The following PPP1R9A variants were observed in gnomAD, a reference collection of about 807,000 sequenced individuals.
The protein encoded by PPP1R9A is neurabin-1.
In PPP1R9A, 59 loss-of-function variants were observed where a neutral mutation model predicts 141.9. That is an observed-to-expected ratio of 0.42 (90% CI 0.34 to 0.52). PPP1R9A has a LOEUF of 0.52. Ranked by LOEUF, PPP1R9A falls within the 20% of genes least tolerant of loss-of-function variation. The probability of loss-of-function intolerance (pLI) is 0.10; values close to 1 mark genes in which losing one functional copy is unlikely to be tolerated. For synonymous variants in PPP1R9A, 500 were observed against 569.7 expected, an observed-to-expected ratio of 0.88 and a Z score of 1.74; for missense variants, 1,444 against 1,611.9, an observed-to-expected ratio of 0.90 and a Z score of 1.78.
At chr7:95,208,330 A>G (rs1791276657) in intron 7 of PPP1R9A, among the ~76,000 whole-genome samples, 2 of 152,180 alleles carry the variant, frequency 1.3e-5, no homozygotes, top group African/African-American at 4.8e-5. Context: ...TCCATACCCA[A>G]AATTCCATCT....
intron 2 of PPP1R9A, among the ~76,000 whole-genome samples, chr7:94,946,284 T>C (rs1442743746): frequency 6.6e-6 from 1 of 152,032 alleles, no homozygotes; most frequent in African/African-American, 2.4e-5. Context: ...CTAGATGCCA[T>C]GCCTGGAGAG....
chr7:95,225,947 C>A lies in PPP1R9A; in HGVS notation c.1957-14C>A, dbSNP rs1280470693. 6.3e-7 allele frequency: 1 copy of A among 1,589,190 alleles called. No individual in the cohort carries two copies. The highest frequency in any genetic ancestry group is 1.7e-5 in the Admixed American group (1 of 59,280). On this transcript the variant is annotated splice_polypyrimidine_tract_variant and intron_variant, in intron 7 of 19. Transcript: ENST00000433360. ...GTAAGGACAGCTGGATTTCTGAAATCCCCTTCCTTTCAGACAGGAGAATAT... is the reference window on the plus strand; with the variant it reads ...GTAAGGACAGCTGGATTTCTGAAATACCCTTCCTTTCAGACAGGAGAATAT...
chr7:95,115,083 A>T (rs1049116040), intron 3 of PPP1R9A, among the ~76,000 whole-genome samples: 2 of 152,164 alleles, frequency 1.3e-5, no homozygotes, highest in African/African-American at 2.4e-5. Context: ...AAACACTATT[A>T]ATAACATAGA....
intron 2 of PPP1R9A, among the ~76,000 whole-genome samples, chr7:94,938,368 TC>T (rs1236800686): frequency 6.6e-6 from 1 of 152,072 alleles, no homozygotes; most frequent in African/African-American, 2.4e-5. Flanking sequence ...GAGTAGAAGG[TC>T]ATAACTGATA....
At chr7:95,175,949 C>T (rs1001005225) in intron 5 of PPP1R9A, among the ~76,000 whole-genome samples, 6 of 151,832 alleles carry the variant, frequency 4.0e-5, no homozygotes, top group Non-Finnish European at 4.4e-5. Flanking sequence ...GGATCATGGC[C>T]GACAGGAGGC....
chr7:95,026,574 G>A lies in PPP1R9A; in HGVS notation c.1396-84685G>A, dbSNP rs1440306620. Among the ~76,000 whole-genome samples the A allele has an allele frequency of 2.0e-5, 3 of 152,176 alleles. No individual in the cohort carries two copies. The East Asian group carries it at 5.8e-4, about 29-fold the overall frequency. On this transcript the variant is annotated intron_variant, in intron 2 of 19. Transcript: ENST00000433360. ...CAGGTGTCAGCGACCTACTTGAGGA[G>A]GTGGTCTAGTCTGACCCTTAGTGGA...
chr7:95,083,660 G>A (rs1816228621), intron 2 of PPP1R9A, among the ~76,000 whole-genome samples: 1 of 151,884 alleles, frequency 6.6e-6, no homozygotes, highest in African/African-American at 2.4e-5. Context: ...GATTTCGGAG[G>A]CTCCGTACCA....
At chr7:95,075,178 G>A (rs894533504) in intron 2 of PPP1R9A, among the ~76,000 whole-genome samples, 4 of 151,964 alleles carry the variant, frequency 2.6e-5, no homozygotes, top group African/African-American at 9.7e-5. Context: ...CAATTTTTAT[G>A]TTTTCAGATT....
At chr7:94,981,589 A>C (rs34730810) in intron 2 of PPP1R9A, among the ~76,000 whole-genome samples, 11,686 of 151,968 alleles carry the variant, frequency 0.077, 554 homozygotes, top group East Asian at 0.17. Flanking sequence ...TTGTGGGCAT[A>C]TTTTCACCTT....
intron 2 of PPP1R9A, among the ~76,000 whole-genome samples, chr7:95,076,300 A>G (rs1333866223): frequency 1.3e-5 from 2 of 152,182 alleles, no homozygotes; most frequent in East Asian, 1.9e-4. Context: ...GCAATGGCCT[A>G]CTCTGATTCC....
rs111672868 is a variant in PPP1R9A, at chr7:95,044,347, A to T, written c.1396-66912A>T. 2.3e-4 allele frequency among the ~76,000 whole-genome samples: 35 copies of T among 152,224 alleles called. 2 individuals are homozygous for T. The highest frequency in any genetic ancestry group is 6.5e-4 in the Admixed American group (10 of 15,290). On this transcript the variant is annotated intron_variant, in intron 2 of 19. Coordinates refer to ENST00000433360, the MANE Select transcript of PPP1R9A (RefSeq NM_001166160.2). The stretch of plus-strand genomic sequence containing the variant: ...TTTCCTCCTGTGTTTCCTCTGCTTT[A>T]TGTAAGTAATTGAAGTTTAAAAGAA...
At chr7:95,206,989 G>C (rs1243802372) in intron 7 of PPP1R9A, among the ~76,000 whole-genome samples, 1 of 151,806 alleles carries the variant, frequency 6.6e-6, no homozygotes, top group Non-Finnish European at 1.5e-5. Flanking sequence ...TGGGTGCTGA[G>C]TGGAAAAGCC....
At chr7:95,062,913 T>C (rs774244958) in intron 2 of PPP1R9A, among the ~76,000 whole-genome samples, 1 of 152,110 alleles carries the variant, frequency 6.6e-6, no homozygotes, top group Non-Finnish European at 1.5e-5. Flanking sequence ...AGATGGCAGA[T>C]GGGGGACTGC....
chr7:95,272,227 G>A (rs1165289611), intron 14 of PPP1R9A, among the ~76,000 whole-genome samples: 1 of 152,176 alleles, frequency 6.6e-6, no homozygotes, highest in Non-Finnish European at 1.5e-5. Context: ...AAATAATTAG[G>A]CAGTCTCCTT....
chr7:95,216,375 A>G (rs1393954577), intron 7 of PPP1R9A, among the ~76,000 whole-genome samples: 2 of 152,076 alleles, frequency 1.3e-5, no homozygotes, highest in Non-Finnish European at 2.9e-5. Context: ...GTAGCCTTGT[A>G]GTATAGTTTG....
At chr7:95,012,528 C>G (rs1804569478) in intron 2 of PPP1R9A, among the ~76,000 whole-genome samples, 1 of 152,128 alleles carries the variant, frequency 6.6e-6, no homozygotes, top group Admixed American at 6.6e-5. Flanking sequence ...ACTCTGTTGT[C>G]TGCTCTTTAG....
chr7:95,037,950 T>A (rs865872348), intron 2 of PPP1R9A, among the ~76,000 whole-genome samples: 1,429 of 140,090 alleles, frequency 0.01, 16 homozygotes, highest in African/African-American at 0.028. Context: ...CAAAATAATT[T>A]AAAAAAAAAA....
intron 2 of PPP1R9A, among the ~76,000 whole-genome samples, chr7:95,016,824 T>A (rs887179097): frequency 2.0e-5 from 3 of 152,132 alleles, no homozygotes; most frequent in African/African-American, 7.2e-5. Context: ...TAATAAGGTA[T>A]GTGTTATGGA....
chr7:95,070,907 A>G (rs1422865749), intron 2 of PPP1R9A, among the ~76,000 whole-genome samples: 2 of 151,980 alleles, frequency 1.3e-5, no homozygotes, highest in Admixed American at 1.3e-4. Flanking sequence ...TGAGACTTTG[A>G]ACACCAAGAG....
Sources: gnomAD v4.1 joint callset for allele counts (sites outside exome capture counted in the v4.1 genomes callset) on GRCh38, gnomAD v4.1.1 for gene constraint, MANE v1.5 for transcripts, NCBI Gene and HGNC (gene_info 2026-07-23, HGNC 2026-07-21) for gene names.